The following SLC4A4 variants were observed in gnomAD, a reference collection of about 807,000 sequenced individuals.
The protein encoded by SLC4A4 is electrogenic sodium bicarbonate cotransporter 1.
In SLC4A4, 27 loss-of-function variants were observed where a neutral mutation model predicts 111.5. The observed-to-expected ratio is 0.24, with a 90% CI of 0.18 to 0.33. The LOEUF is 0.33. SLC4A4 is among the 10% of genes least tolerant of loss of function. The probability of loss-of-function intolerance (pLI) is 1.00; values close to 1 mark genes in which losing one functional copy is unlikely to be tolerated. For missense variants in SLC4A4, 909 were observed against 1,315.5 expected (o/e 0.69, Z 4.78); for synonymous variants, 443 against 463.4 (o/e 0.96, Z 0.57).
chr4:71,308,662 A>G (rs934451513), intron 3 of SLC4A4, among the ~76,000 whole-genome samples: 3 of 152,146 alleles, frequency 2.0e-5, no homozygotes, highest in South Asian at 2.1e-4. Context: ...GCCGTGAGGG[A>G]CTGTGCTATC....
chr4:71,452,289 T>TG (rs1423442023), intron 11 of SLC4A4, among the ~76,000 whole-genome samples: 2 of 152,208 alleles, frequency 1.3e-5, no homozygotes, highest in Non-Finnish European at 2.9e-5. Flanking sequence ...TAACCTTTTT[T>TG]TGAATAGTTT....
chr4:71,255,425 C>G (rs1485477638), intron 3 of SLC4A4, 26 bp downstream of exon 3: 2 of 1,610,290 alleles, frequency 1.2e-6, no homozygotes, highest in Admixed American at 1.7e-5. Context: ...GCGTTGGTGC[C>G]TCTCTCTGCC....
intron 8 of SLC4A4, among the ~76,000 whole-genome samples, chr4:71,441,943 C>A (rs564430532): frequency 1.3e-5 from 2 of 152,236 alleles, no homozygotes; most frequent in Non-Finnish European, 2.9e-5. Flanking sequence ...TGCTTGAAAA[C>A]ATTCCAGCAG....
rs557539807 is a variant in SLC4A4 at position 71,121,009 on chromosome 4, T to C, written c.-2+28217T>C. Among the ~76,000 whole-genome samples the C allele has an allele frequency of 3.6e-4, 55 of 152,154 alleles. No homozygotes were observed. The South Asian group carries it at 0.011, about 30-fold the overall frequency. On this transcript the variant is annotated intron_variant, in intron 2 of 26. Transcript: ENST00000649996. Reference sequence around the variant, plus strand: ...TCCGGGTGGGCACGCGCTCGGTAGGTCCCGCACTTGGAGTGGCAGGCTGGC... The same window carrying C: ...TCCGGGTGGGCACGCGCTCGGTAGGCCCCGCACTTGGAGTGGCAGGCTGGC...
At chr4:71,089,406 C>T (rs1382865739) in intron 1 of SLC4A4, among the ~76,000 whole-genome samples, 1 of 152,082 alleles carries the variant, frequency 6.6e-6, no homozygotes, top group African/African-American at 2.4e-5. Flanking sequence ...TCGTCAAAGT[C>T]ATTCTCTGTC....
chr4:71,229,081 T>C (rs1317603721), intron 1 of SLC4A4, among the ~76,000 whole-genome samples: 1 of 152,202 alleles, frequency 6.6e-6, no homozygotes. Context: ...CTTTAACCCC[T>C]GGCAAACATG....
intron 6 of SLC4A4, among the ~76,000 whole-genome samples, chr4:71,393,547 C>T (rs1179180537): frequency 6.6e-6 from 1 of 152,112 alleles, no homozygotes; most frequent in Non-Finnish European, 1.5e-5. Flanking sequence ...ATCCCATGCT[C>T]ATGGATGGGT....
chr4:71,183,920 T>C, upstream of SLC4A4, among the ~76,000 whole-genome samples: 1 of 152,346 alleles, frequency 6.6e-6, no homozygotes, highest in Non-Finnish European at 1.5e-5. Flanking sequence ...GGCCCCAATA[T>C]GAAATGCCTA....
chr4:71,493,748 TCCC>T (rs33923620), intron 15 of SLC4A4, among the ~76,000 whole-genome samples: 32 of 150,802 alleles, frequency 2.1e-4, no homozygotes, highest in African/African-American at 7.3e-5. Flanking sequence ...TTCCTTTTCA[TCCC>T]CCTAACCAGA....
At chr4:71,101,021 A>C (rs951756295) in intron 2 of SLC4A4, among the ~76,000 whole-genome samples, 2 of 152,202 alleles carry the variant, frequency 1.3e-5, no homozygotes, top group African/African-American at 4.8e-5. Context: ...GCACTTTGGG[A>C]GGCTGAGGCA....
chr4:71,345,681 T>C (rs1004167135), intron 4 of SLC4A4, among the ~76,000 whole-genome samples: 2 of 152,128 alleles, frequency 1.3e-5, no homozygotes, highest in Admixed American at 6.6e-5. Flanking sequence ...TGTGCACTTA[T>C]ACTGTGGGTT....
intron 3 of SLC4A4, among the ~76,000 whole-genome samples, chr4:71,322,750 C>T (rs1301442828): frequency 6.6e-6 from 1 of 151,938 alleles, no homozygotes; most frequent in Admixed American, 6.6e-5. Context: ...TTATAACATG[C>T]ACAAGAAACT....
chr4:71,192,249 A>G (rs1364317242), intron 1 of SLC4A4, among the ~76,000 whole-genome samples: 2 of 152,196 alleles, frequency 1.3e-5, no homozygotes, highest in Non-Finnish European at 2.9e-5. Flanking sequence ...AAGATCTAGT[A>G]ACAACTTCAT....
chr4:71,530,959 G>A (rs761314533), intron 16 of SLC4A4, among the ~76,000 whole-genome samples: 1 of 152,098 alleles, frequency 6.6e-6, no homozygotes, highest in Admixed American at 6.6e-5. Flanking sequence ...TTATTTAGGA[G>A]CAGGCTTCCT....
intron 2 of SLC4A4, among the ~76,000 whole-genome samples, chr4:71,248,695 A>G (rs1316857672): frequency 6.6e-6 from 1 of 152,180 alleles, no homozygotes; most frequent in Non-Finnish European, 1.5e-5. Flanking sequence ...TGAACATAAT[A>G]AAGTTGTATT....
At chr4:71,345,998 A>C (rs1266817715) in intron 4 of SLC4A4, among the ~76,000 whole-genome samples, 3 of 152,090 alleles carry the variant, frequency 2.0e-5, no homozygotes, top group Non-Finnish European at 4.4e-5. Context: ...TCATTTCAAT[A>C]GTTGTACGTA....
chr4:71,236,306 T>A, intron 1 of SLC4A4: 1 of 1,000,560 alleles, frequency 1.0e-6, no homozygotes, highest in Non-Finnish European at 1.3e-6. Flanking sequence ...GCCCCCAACA[T>A]CCTGCCTACA....
intron 2 of SLC4A4, among the ~76,000 whole-genome samples, chr4:71,168,448 G>A (rs1280166887): frequency 6.6e-6 from 1 of 152,078 alleles, no homozygotes; most frequent in Admixed American, 6.5e-5. Flanking sequence ...CTCCCAAAGT[G>A]CTGGGATTAC....
At chr4:71,424,514 T>G (rs924661444) in intron 7 of SLC4A4, among the ~76,000 whole-genome samples, 1 of 151,926 alleles carries the variant, frequency 6.6e-6, no homozygotes, top group South Asian at 2.1e-4. Flanking sequence ...GGACTATAAA[T>G]CATGCTGCTA....
Sources: gnomAD v4.1 joint callset for allele counts (sites outside exome capture counted in the v4.1 genomes callset) on GRCh38, gnomAD v4.1.1 for gene constraint, MANE v1.5 for transcripts, NCBI Gene and HGNC (gene_info 2026-07-23, HGNC 2026-07-21) for gene names.